MYBL1: variants seen among roughly 807,000 people sequenced by gnomAD.
MYBL1 encodes MYB proto-oncogene like 1, also known as myb-related protein A.
MYBL1 carries 17 observed loss-of-function variants against 96.3 expected under a neutral mutation model. That is an observed-to-expected ratio of 0.18 (90% confidence interval 0.12 to 0.26). MYBL1 has a LOEUF of 0.26. MYBL1 is among the 10% of genes least tolerant of loss of function. The pLI is 1.00. For synonymous variants in MYBL1, 282 were observed against 292.7 expected, an observed-to-expected ratio of 0.96 and a Z score of 0.37; for missense variants, 701 against 882.9, an observed-to-expected ratio of 0.79 and a Z score of 2.61.
In MYBL1 at chr8:66,564,748, ATATCTTC is replaced by A. The variant is rs1808437370; in HGVS notation, c.2201_2207del (p.Arg734IlefsTer2). On this transcript the variant is annotated frameshift_variant, in exon 16 of 16. Transcript: ENST00000522677. LOFTEE classifies it high-confidence loss of function. ...TACTGGTAGCTGTGTAAGTACTCAG[ATATCTTC>A]TTGCTTGTTCAGTCATAATAAGTTG... The A allele has an allele frequency of 6.3e-7, 1 of 1,586,192 alleles. No individual in the cohort carries two copies. The highest frequency in any genetic ancestry group is 1.3e-5 in the African/African-American group (1 of 74,440).
At chr8:66,605,200 G>T (rs966839588) in intron 1 of MYBL1, among the ~76,000 whole-genome samples, 2 of 151,994 alleles carry the variant, frequency 1.3e-5, no homozygotes, top group African/African-American at 4.8e-5. Flanking sequence ...TCAAAATCTG[G>T]TGTGTGTTTT....
intron 1 of MYBL1, among the ~76,000 whole-genome samples, chr8:66,603,531 C>G (rs1359901659): frequency 1.3e-5 from 2 of 151,720 alleles, no homozygotes; most frequent in African/African-American, 4.8e-5. Context: ...TGCTCTGTCA[C>G]CCAGGCTGGA....
intron 6 of MYBL1, among the ~76,000 whole-genome samples, chr8:66,595,327 G>A (rs886439752): frequency 7.9e-5 from 12 of 152,046 alleles, no homozygotes; most frequent in Non-Finnish European, 1.5e-4. Flanking sequence ...CATTAGCTTT[G>A]AATCATAAAT....
intron 8 of MYBL1, among the ~76,000 whole-genome samples, chr8:66,580,677 TATTTAAACCTTATC>T (rs1288753362): frequency 6.6e-6 from 1 of 152,206 alleles, no homozygotes; most frequent in Admixed American, 6.5e-5. Flanking sequence ...AAGAGCTATA[TATTTAAACCTTATC>T]ATGTGTATCT....
chr8:66,596,907 A>T (rs76043931), intron 5 of MYBL1, among the ~76,000 whole-genome samples: 5,957 of 152,232 alleles, frequency 0.039, 189 homozygotes, highest in Non-Finnish European at 0.06. Context: ...ATTTTCCCCA[A>T]CACACTTTCA....
intron 8 of MYBL1, among the ~76,000 whole-genome samples, chr8:66,591,025 C>T (rs561780413): frequency 6.6e-6 from 1 of 152,234 alleles, no homozygotes; most frequent in Non-Finnish European, 1.5e-5. Flanking sequence ...CTGTGTACCC[C>T]ACGAATATGT....
chr8:66,562,451 A>G lies in MYBL1; in HGVS notation c.*2246T>C, dbSNP rs1808369529. On this transcript the variant is annotated 3_prime_UTR_variant, in exon 16 of 16. Coordinates refer to ENST00000522677, the MANE Select transcript of MYBL1 (RefSeq NM_001080416.4). Reference sequence around the variant, plus strand: ...ATAAAGGTGACTTAAGATGCCTGACATGTTTAAGATAAAAAATCTTGCAAA... The same window carrying G: ...ATAAAGGTGACTTAAGATGCCTGACGTGTTTAAGATAAAAAATCTTGCAAA... 1 of 152,630 alleles carries G rather than the reference A, an allele frequency of 6.6e-6. No homozygotes were observed. Among genetic ancestry groups the G allele is most frequent in the African/African-American group, 2.4e-5 (1 of 41,456 alleles). 9.5% of individuals were successfully genotyped at this position (152,630 alleles called of 1,614,324 possible).
In MYBL1 at chr8:66,580,176, T is replaced by C. The variant is rs751979353; in HGVS notation, c.1058A>G (p.Gln353Arg). The C allele has an allele frequency of 6.2e-7, 1 of 1,613,906 alleles. No individual in the cohort carries two copies. The change falls in exon 9 of 16, where the codon CAG becomes CGG. Residue 353 changes from glutamine (Q) to arginine (R), a missense_variant. Gln to Arg is a conservative substitution (Grantham distance 43). Coordinates refer to ENST00000522677, the MANE Select transcript of MYBL1 (RefSeq NM_001080416.4). ...AGTCTCTGCAAATTCTGGGATGGTCTGCAAAGAGGATAACACAGCGTTTGC... is the reference window on the plus strand; with the variant it reads ...AGTCTCTGCAAATTCTGGGATGGTCCGCAAAGAGGATAACACAGCGTTTGC... The part of the protein sequence containing the change: ...VEANAVLSSL[Q>R]TIPEFAETLE...
chr8:66,612,145 T>C (rs1810555004), intron 1 of MYBL1: 1 of 152,160 alleles, frequency 6.6e-6, no homozygotes, highest in African/African-American at 2.4e-5. Flanking sequence ...ACTCAAAATA[T>C]TAAGTGAATC....
rs367791059 is a variant in MYBL1, at chr8:66,602,511, A to C, written c.33T>G (p.Asp11Glu). The C allele has an allele frequency of 1.3e-6, 2 of 1,587,870 alleles. No individual in the cohort carries two copies. Among genetic ancestry groups the C allele is most frequent in the Non-Finnish European group, 1.7e-6 (2 of 1,169,742 alleles). MAKRSRSEDE[D>E]DDLQYADHDY... is the part of the protein sequence containing the mutation. ...CATGATCGGCATACTGAAGGTCATC[A>C]TCCTCATCCTCACTACAAAAAAAAC... is the stretch of plus-strand genomic sequence containing the variant. Residue 11 changes from aspartate to glutamate, a missense_variant, in exon 2 of 16, where the codon GAT (aspartate) becomes GAG (glutamate). Coordinates refer to ENST00000522677, the MANE Select transcript of MYBL1 (RefSeq NM_001080416.4).
intron 3 of MYBL1, among the ~76,000 whole-genome samples, chr8:66,601,177 CAAAAAAAAAA>C (rs1167336780): frequency 2.2e-4 from 3 of 13,900 alleles, no homozygotes; most frequent in African/African-American, 5.7e-4. Flanking sequence ...AACTCCGTCT[CAAAAAAAAAA>C]AAAAAAAAAA....
At chr8:66,585,494 A>G (rs1226679893) in intron 8 of MYBL1, among the ~76,000 whole-genome samples, 1 of 152,216 alleles carries the variant, frequency 6.6e-6, no homozygotes, top group Non-Finnish European at 1.5e-5. Context: ...TAATCCCAGC[A>G]CTTTGGGAGG....
chr8:66,582,197 C>T (rs1331153188), intron 8 of MYBL1, among the ~76,000 whole-genome samples: 4 of 151,742 alleles, frequency 2.6e-5, no homozygotes, highest in Admixed American at 1.3e-4. Context: ...TCAGTAATAA[C>T]CCTGAATGTA....
chr8:66,582,225 A>G (rs1461974516), intron 8 of MYBL1, among the ~76,000 whole-genome samples: 2 of 152,158 alleles, frequency 1.3e-5, no homozygotes, highest in Non-Finnish European at 2.9e-5. Context: ...TAAGCTCTAC[A>G]CTTAAAAGAC....
At chr8:66,598,939 A>G (rs1809958572) in intron 4 of MYBL1, 111 bp downstream of exon 4, 2 of 576,210 alleles carry the variant, frequency 3.5e-6, no homozygotes, top group Admixed American at 4.4e-5. Flanking sequence ...TAGCCTCCGG[A>G]GAACAAAATC....
Position 66,573,381 on chromosome 8 carries a change from A to T in MYBL1, c.1596T>A (p.Asp532Glu). 6.2e-7 allele frequency: 1 copy of T among 1,609,676 alleles called. No homozygotes were observed. Among genetic ancestry groups the T allele is most frequent in the Non-Finnish European group, 8.5e-7 (1 of 1,178,526 alleles). Reference protein sequence around the residue: ...TPLHKETTPKDQKENVGFRTP... With the variant: ...TPLHKETTPKEQKENVGFRTP... Reference sequence around the variant, plus strand: ...CTACTTACCCTACATTTTCCTTTTGATCTTTGGGAGTTGTTTCCTTATGAA... The same window carrying T: ...CTACTTACCCTACATTTTCCTTTTGTTCTTTGGGAGTTGTTTCCTTATGAA... Residue 532 changes from aspartate (D) to glutamate (E), a missense_variant, in exon 11 of 16, where the codon GAT (aspartate) becomes GAA (glutamate). Physicochemically the swap from Asp to Glu is conservative, Grantham distance 45. This residue lies in a region of MYBL1 where 396 missense variants were observed against 407.4 expected (regional missense o/e 0.97). Transcript: ENST00000522677.
At position 66,602,733 on chromosome 8, in the gene MYBL1, A is replaced by ATT. The variant is rs143426704; in HGVS notation, c.21-212_21-211dup. 1.5e-3 allele frequency among the ~76,000 whole-genome samples: 42 copies of ATT among 28,150 alleles called. 3 individuals carry two copies. The highest frequency in any genetic ancestry group is 3.0e-3 in the Admixed American group (4 of 1,334). The allele number at this position is 28,150 out of a possible 152,430, so 18.5% of individuals were successfully genotyped here. ...TATATATATATATATATATATATATATTTTTTTTTTTTTTTTTTTTTTTTT... is the reference window on the plus strand; with the variant it reads ...TATATATATATATATATATATATATATTTTTTTTTTTTTTTTTTTTTTTTTTT... On this transcript the variant is annotated intron_variant, in intron 1 of 15. Coordinates refer to ENST00000522677, the MANE Select transcript of MYBL1 (RefSeq NM_001080416.4).
At chr8:66,577,722 A>C (rs2129798270) in intron 9 of MYBL1, among the ~76,000 whole-genome samples, 1 of 152,242 alleles carries the variant, frequency 6.6e-6, no homozygotes, top group East Asian at 1.9e-4. Context: ...GAATTGGAAA[A>C]AACTACTTTA....
intron 9 of MYBL1, among the ~76,000 whole-genome samples, chr8:66,579,223 A>G (rs1809098460): frequency 6.6e-6 from 1 of 152,032 alleles, no homozygotes; most frequent in Non-Finnish European, 1.5e-5. Flanking sequence ...TAAAACTTAA[A>G]GTATAATAAT....
Sources: allele counts gnomAD v4.1 joint callset (sites outside exome capture counted in the v4.1 genomes callset), GRCh38; gene constraint gnomAD v4.1.1; regional missense constraint gnomAD v4.1.1; transcripts MANE v1.5; gene names NCBI Gene and HGNC (gene_info 2026-07-23, HGNC 2026-07-21).